The following MTREX variants were observed in gnomAD, a reference collection of about 807,000 sequenced individuals.
The protein encoded by MTREX is Mtr4 exosome RNA helicase.
Under a neutral mutation model 135.4 loss-of-function variants are expected in MTREX, and 76 were observed. The ratio of observed to expected loss-of-function variants is 0.56; its 90% confidence interval spans 0.47 to 0.68. MTREX has a LOEUF of 0.68. Among genes scored for constraint, MTREX ranks in the 30% least tolerant of loss-of-function variants. MTREX has a pLI of 0.00. For synonymous variants in MTREX, 404 were observed against 401.6 expected, an observed-to-expected ratio of 1.01 and a Z score of -0.07; for missense variants, 920 against 1,262.1, an observed-to-expected ratio of 0.73 and a Z score of 4.11.
At chr5:55,350,316 G>A (rs986266620) in intron 12 of MTREX, among the ~76,000 whole-genome samples, 1 of 152,158 alleles carries the variant, frequency 6.6e-6, no homozygotes, top group Non-Finnish European at 1.5e-5. Context: ...TTTTCCATAA[G>A]ACTGTGATAA....
intron 20 of MTREX, among the ~76,000 whole-genome samples, chr5:55,397,752 C>T (rs2111585513): frequency 6.6e-6 from 1 of 152,276 alleles, no homozygotes; most frequent in South Asian, 2.1e-4. Context: ...GGAGGACTCA[C>T]AAGGAAAACC....
chr5:55,315,979 AAAC>A (rs771447033), intron 1 of MTREX, among the ~76,000 whole-genome samples: 19 of 152,154 alleles, frequency 1.2e-4, no homozygotes, highest in Non-Finnish European at 2.2e-4. Flanking sequence ...ACAGAAATAA[AAAC>A]AACCATCAGA....
intron 1 of MTREX, among the ~76,000 whole-genome samples, chr5:55,316,971 A>G (rs1749208614): frequency 6.6e-6 from 1 of 152,198 alleles, no homozygotes; most frequent in Non-Finnish European, 1.5e-5. Flanking sequence ...TAGCATTCTT[A>G]TACACCAACA....
chr5:55,337,461 T>C (rs1480501504), intron 5 of MTREX, among the ~76,000 whole-genome samples: 3 of 152,028 alleles, frequency 2.0e-5, no homozygotes, highest in Admixed American at 6.6e-5. Flanking sequence ...TTTCCTGAGG[T>C]TTTAGATAAT....
chr5:55,314,234 T>C (rs1749163257), intron 1 of MTREX, among the ~76,000 whole-genome samples: 1 of 152,218 alleles, frequency 6.6e-6, no homozygotes, highest in South Asian at 2.1e-4. Flanking sequence ...CCACAGGAGA[T>C]GTACCATTTT....
intron 14 of MTREX, among the ~76,000 whole-genome samples, chr5:55,353,919 CA>C (rs2112072763): frequency 6.6e-6 from 1 of 152,298 alleles, no homozygotes; most frequent in Admixed American, 6.5e-5. Flanking sequence ...AGCACCACTA[CA>C]GTGGCTGTAC....
intron 16 of MTREX, among the ~76,000 whole-genome samples, chr5:55,368,999 G>C (rs191133239): frequency 6.6e-6 from 1 of 151,780 alleles, no homozygotes; most frequent in East Asian, 1.9e-4. Flanking sequence ...CCCCTCGTTT[G>C]GCTGATAAAC....
chr5:55,354,305 T>C (rs1457928382), intron 14 of MTREX, among the ~76,000 whole-genome samples: 1 of 152,204 alleles, frequency 6.6e-6, no homozygotes, highest in Non-Finnish European at 1.5e-5. Context: ...AAGGCAGTCC[T>C]TAAAATAAGT....
intron 5 of MTREX, among the ~76,000 whole-genome samples, chr5:55,332,006 A>G (rs1032728061): frequency 9.9e-5 from 15 of 152,186 alleles, no homozygotes; most frequent in African/African-American, 3.4e-4. Flanking sequence ...TATTACTACA[A>G]TAGTGCACGT....
chr5:55,414,927 G>C (rs1405230519), intron 24 of MTREX, among the ~76,000 whole-genome samples: 1 of 152,198 alleles, frequency 6.6e-6, no homozygotes, highest in Non-Finnish European at 1.5e-5. Flanking sequence ...TGGGATTACA[G>C]ATGTGAGCCA....
intron 14 of MTREX, among the ~76,000 whole-genome samples, chr5:55,358,229 C>G (rs542069417): frequency 3.5e-4 from 54 of 152,166 alleles, no homozygotes; most frequent in African/African-American, 1.2e-3. Flanking sequence ...TATTTGTAAG[C>G]ATAATTAACA....
chr5:55,390,790 G>A (rs544325923), intron 19 of MTREX, among the ~76,000 whole-genome samples: 2 of 152,280 alleles, frequency 1.3e-5, no homozygotes, highest in East Asian at 3.9e-4. Context: ...GATTAGAACT[G>A]TACACTTATA....
chr5:55,361,497 T>A lies in MTREX; in HGVS notation c.1659+2799T>A, dbSNP rs1256561533. 2.0e-5 allele frequency among the ~76,000 whole-genome samples: 3 copies of A among 152,218 alleles called. No homozygotes were observed. The East Asian group carries it at 5.8e-4, about 29-fold the overall frequency. ...TAATGATTGTGAATTTGAAATATTT[T>A]AATAATTTTTTTCCTTCATTTTTAT... is the stretch of plus-strand genomic sequence containing the variant. On this transcript the variant is annotated intron_variant, in intron 15 of 26. Coordinates refer to ENST00000230640, the MANE Select transcript of MTREX (RefSeq NM_015360.5).
intron 15 of MTREX, among the ~76,000 whole-genome samples, chr5:55,361,617 G>A (rs1750011537): frequency 6.6e-6 from 1 of 152,110 alleles, no homozygotes; most frequent in Non-Finnish European, 1.5e-5. Context: ...GCCACACCCA[G>A]CTAATTTTTG....
chr5:55,406,526 T>TA (rs1750810687), intron 22 of MTREX, among the ~76,000 whole-genome samples: 1 of 152,174 alleles, frequency 6.6e-6, no homozygotes, highest in South Asian at 2.1e-4. Context: ...CTAGCTTTGT[T>TA]ATCATACACC....
chr5:55,394,768 C>G (rs536787472), intron 19 of MTREX, among the ~76,000 whole-genome samples: 1 of 152,096 alleles, frequency 6.6e-6, no homozygotes, highest in Non-Finnish European at 1.5e-5. Context: ...CGTGGTGGCT[C>G]ACACCTGTAA....
At chr5:55,325,704 T>C (rs1413995314) in intron 3 of MTREX, among the ~76,000 whole-genome samples, 2 of 152,030 alleles carry the variant, frequency 1.3e-5, no homozygotes, top group South Asian at 2.1e-4. Flanking sequence ...TGGGCTTCAG[T>C]TGAACCCGTC....
intron 16 of MTREX, 30 bp downstream of exon 16, chr5:55,366,905 G>A (rs1187739360): frequency 2.0e-6 from 3 of 1,530,356 alleles, no homozygotes; most frequent in Non-Finnish European, 2.7e-6. Context: ...ACAGAGCTTA[G>A]TGTAGCTAGG....
chr5:55,315,948 G>A (rs547300117), intron 1 of MTREX, among the ~76,000 whole-genome samples: 64 of 150,824 alleles, frequency 4.2e-4, no homozygotes, highest in Admixed American at 7.3e-4. Context: ...AAGTTACAAC[G>A]GAAATGTTAC....
Sources: allele counts gnomAD v4.1 joint callset (sites outside exome capture counted in the v4.1 genomes callset), GRCh38; gene constraint gnomAD v4.1.1; transcripts MANE v1.5; gene names NCBI Gene and HGNC (gene_info 2026-07-23, HGNC 2026-07-21).